The following IPO11 variants were observed in gnomAD, a reference collection of about 807,000 sequenced individuals.
IPO11 encodes the protein importin-11.
Under a neutral mutation model 143.2 loss-of-function variants are expected in IPO11, and 66 were observed. That is an observed-to-expected ratio of 0.46 (90% CI 0.38 to 0.57). The LOEUF (loss-of-function observed/expected upper bound fraction) is 0.57. IPO11 is among the 20% of genes least tolerant of loss of function. IPO11 has a pLI of 0.00. For missense variants in IPO11, 1,026 were observed against 1,141.0 expected (o/e 0.90, Z 1.45); for synonymous variants, 385 against 377.8 (o/e 1.02, Z -0.22).
At chr5:62,497,177 G>A (rs140954726) in intron 16 of IPO11, among the ~76,000 whole-genome samples, 3 of 152,322 alleles carry the variant, frequency 2.0e-5, no homozygotes, top group Admixed American at 6.5e-5. Context: ...TGGCTGTGAC[G>A]GAGTAGAAGT....
intron 29 of IPO11, among the ~76,000 whole-genome samples, chr5:62,616,928 A>G (rs1436417722): frequency 6.6e-6 from 1 of 152,046 alleles, no homozygotes; most frequent in East Asian, 1.9e-4. Context: ...CAAATTTTTG[A>G]AAGAGATTGA....
chr5:62,478,088 A>G (rs1165031056), intron 9 of IPO11, among the ~76,000 whole-genome samples: 1 of 151,956 alleles, frequency 6.6e-6, no homozygotes, highest in African/African-American at 2.4e-5. Context: ...GGTTATTTTA[A>G]ATCGAATCCC....
At chr5:62,474,076 G>C (rs1415521971) in intron 7 of IPO11, among the ~76,000 whole-genome samples, 2 of 152,188 alleles carry the variant, frequency 1.3e-5, no homozygotes, top group Non-Finnish European at 2.9e-5. Context: ...GACAAGTGCA[G>C]TATTTCAAGG....
intron 27 of IPO11, among the ~76,000 whole-genome samples, chr5:62,591,180 T>C (rs1744997128): frequency 6.6e-6 from 1 of 152,220 alleles, no homozygotes; most frequent in Admixed American, 6.5e-5. Context: ...CATTACCAGA[T>C]ACTTGTTTTA....
chr5:62,454,169 T>G (rs1233653144), intron 5 of IPO11, among the ~76,000 whole-genome samples: 1 of 152,158 alleles, frequency 6.6e-6, no homozygotes, highest in Non-Finnish European at 1.5e-5. Context: ...GCCAGTCTTA[T>G]GTTCATCCTA....
chr5:62,478,887 G>T (rs970596243), intron 9 of IPO11, among the ~76,000 whole-genome samples: 32 of 152,148 alleles, frequency 2.1e-4, no homozygotes, highest in African/African-American at 7.2e-4. Context: ...GTTCTGTATT[G>T]TATGACGTGC....
chr5:62,570,367 G>A (rs1294551398), intron 27 of IPO11, among the ~76,000 whole-genome samples: 1 of 152,040 alleles, frequency 6.6e-6, no homozygotes, highest in Non-Finnish European at 1.5e-5. Context: ...ATCTTCCTAT[G>A]TTAGGATTTG....
Position 62,515,496 on chromosome 5 carries a change from G to C in IPO11, c.1891G>C (p.Val631Leu). The C allele has an allele frequency of 1.9e-6, 3 of 1,589,082 alleles. No individual in the cohort carries two copies. Among genetic ancestry groups the C allele is most frequent in the Non-Finnish European group, 2.6e-6 (3 of 1,166,646 alleles). ...CAILTTLIHL[V>L]QGLGADSKNL... is the part of the protein sequence containing the mutation. ...TATTTTGACAACACTTATTCATCTT[G>C]TTCAGGTAAGTCACTTCTCCACAGA... The change falls in exon 20 of 30, where the codon GTT becomes CTT. Residue 631 changes from valine (V) to leucine (L), a missense_variant. By Grantham distance (32) the Val-to-Leu change is conservative. This residue lies in a region of IPO11 where 237 missense variants were observed against 288.0 expected (regional missense o/e 0.82). Coordinates refer to ENST00000325324, the MANE Select transcript of IPO11 (RefSeq NM_016338.5).
chr5:62,558,176 T>G (rs1743640422), intron 26 of IPO11, among the ~76,000 whole-genome samples: 1 of 152,190 alleles, frequency 6.6e-6, no homozygotes, highest in Non-Finnish European at 1.5e-5. Context: ...AAAAATGACT[T>G]TAATAAGTGT....
chr5:62,523,273 T>C (rs934894106), intron 20 of IPO11, among the ~76,000 whole-genome samples: 1 of 152,232 alleles, frequency 6.6e-6, no homozygotes, highest in Non-Finnish European at 1.5e-5. Context: ...ATGCATGTAT[T>C]GAAACTGTTC....
At chr5:62,505,774 T>G (rs1169879254) in intron 18 of IPO11, among the ~76,000 whole-genome samples, 1 of 152,078 alleles carries the variant, frequency 6.6e-6, no homozygotes, top group Admixed American at 6.6e-5. Context: ...AATATATATT[T>G]CCATGCAATA....
chr5:62,417,532 G>C (rs979464619), intron 1 of IPO11, among the ~76,000 whole-genome samples: 1 of 151,522 alleles, frequency 6.6e-6, no homozygotes, highest in Non-Finnish European at 1.5e-5. Context: ...TTCCTTCTTA[G>C]GTTTTAGCCA....
Position 62,450,065 on chromosome 5 carries a change from T to G in IPO11, c.312+66T>G. 5.0e-6 allele frequency: 5 copies of G among 1,009,212 alleles called. No homozygotes were observed. In the South Asian group the frequency reaches 7.7e-5, roughly 16 times the overall value. The allele number at this position is 1,009,212 out of a possible 1,614,324, so 62.5% of individuals were successfully genotyped here. On this transcript the variant is annotated intron_variant, in intron 4 of 29. Transcript: ENST00000325324. ...CTGCTTTTCCAAACTAATTTTATATTCTGGCATTAAAATGAAAAATAAAAA... is the reference window on the plus strand; with the variant it reads ...CTGCTTTTCCAAACTAATTTTATATGCTGGCATTAAAATGAAAAATAAAAA...
intron 28 of IPO11, among the ~76,000 whole-genome samples, chr5:62,592,726 G>A (rs532745538): frequency 3.9e-5 from 6 of 152,172 alleles, no homozygotes; most frequent in South Asian, 2.1e-4. Context: ...CCTTTTTCAC[G>A]TGGCGGCAGG....
intron 16 of IPO11, among the ~76,000 whole-genome samples, chr5:62,499,514 A>T (rs1197522212): frequency 6.6e-6 from 1 of 152,054 alleles, no homozygotes; most frequent in Non-Finnish European, 1.5e-5. Context: ...GGCTACACTA[A>T]ATATATTGGG....
At chr5:62,581,401 T>C (rs1744555587) in intron 27 of IPO11, 3 of 944,058 alleles carry the variant, frequency 3.2e-6, no homozygotes, top group Non-Finnish European at 3.0e-6. Context: ...GTTGGAAATA[T>C]AATGAATTAT....
chr5:62,476,944 A>G lies in IPO11; in HGVS notation c.828+191A>G, dbSNP rs570172462. On this transcript the variant is annotated intron_variant, in intron 9 of 29. Transcript: ENST00000325324. ...CATATAATAATTAAATTTACATACC[A>G]TGTGTCATAGTGTAAGTCACCTTGG... Among the ~76,000 whole-genome samples, 22 of 152,304 alleles carry G rather than the reference A, an allele frequency of 1.4e-4. No homozygotes were observed. In the South Asian group the frequency reaches 4.4e-3, roughly 30 times the overall value.
At chr5:62,483,069 A>G (rs781639874) in intron 9 of IPO11, 32 bp from the exon 10 acceptor site, 2 of 1,340,800 alleles carry the variant, frequency 1.5e-6, no homozygotes, top group South Asian at 1.3e-5. Flanking sequence ...GGGAAAATAC[A>G]TTTTAATTTT....
intron 27 of IPO11, among the ~76,000 whole-genome samples, chr5:62,565,255 G>C (rs1743894257): frequency 6.6e-6 from 1 of 152,196 alleles, no homozygotes; most frequent in African/African-American, 2.4e-5. Flanking sequence ...GGAGGCCGAG[G>C]CAGGCAGATC....
Sources: allele counts gnomAD v4.1 joint callset (sites outside exome capture counted in the v4.1 genomes callset), GRCh38; gene constraint gnomAD v4.1.1; regional missense constraint gnomAD v4.1.1; transcripts MANE v1.5; gene names NCBI Gene and HGNC (gene_info 2026-07-23, HGNC 2026-07-21).